The following ADD3 variants were observed in gnomAD, a reference collection of about 807,000 sequenced individuals.
ADD3 encodes gamma-adducin.
ADD3 carries 25 observed loss-of-function variants against 80.2 expected under a neutral mutation model. The observed-to-expected ratio is 0.31, with a 90% CI of 0.23 to 0.44. The LOEUF (loss-of-function observed/expected upper bound fraction) is 0.44. Among genes scored for constraint, ADD3 ranks in the 20% least tolerant of loss-of-function variants. The pLI, the probability that ADD3 is intolerant of heterozygous loss-of-function variation, is 1.00. For synonymous variants in ADD3, 284 were observed against 289.6 expected, an observed-to-expected ratio of 0.98 and a Z score of 0.20; for missense variants, 829 against 847.5, an observed-to-expected ratio of 0.98 and a Z score of 0.27.
Position 110,117,330 on chromosome 10 carries a change from T to G in ADD3, c.487-12T>G. On this transcript the variant is annotated splice_polypyrimidine_tract_variant and intron_variant, in intron 4 of 14. Coordinates refer to ENST00000356080, the MANE Select transcript of ADD3 (RefSeq NM_016824.5). The stretch of plus-strand genomic sequence containing the variant: ...CCACTTCATAGTAATTCCCTGTTGT[T>G]TTTTTTTCCAGGTAAGAATAAGTAA... The G allele has an allele frequency of 6.6e-7, 1 of 1,504,542 alleles. No homozygotes were observed. Among genetic ancestry groups the G allele is most frequent in the Non-Finnish European group, 9.2e-7 (1 of 1,086,446 alleles). The allele number at this position is 1,504,542 out of a possible 1,614,324, so 93.2% of individuals were successfully genotyped here.
chr10:110,115,241 A>G (rs1850577012), intron 3 of ADD3, among the ~76,000 whole-genome samples: 1 of 152,016 alleles, frequency 6.6e-6, no homozygotes, highest in Non-Finnish European at 1.5e-5. Context: ...ATACAAAATT[A>G]GCTGGGCCTG....
chr10:110,023,308 G>A (rs1264612205), intron 1 of ADD3, among the ~76,000 whole-genome samples: 1 of 152,152 alleles, frequency 6.6e-6, no homozygotes, highest in Non-Finnish European at 1.5e-5. Context: ...AACTATCTGT[G>A]AACAAGGAAG....
chr10:110,034,059 T>G (rs1855359169), intron 1 of ADD3, among the ~76,000 whole-genome samples: 1 of 152,336 alleles, frequency 6.6e-6, no homozygotes, highest in Non-Finnish European at 1.5e-5. Context: ...AGTATGTCAC[T>G]AGACCACAGA....
chr10:110,072,642 G>A (rs990083032), intron 1 of ADD3, among the ~76,000 whole-genome samples: 5 of 152,210 alleles, frequency 3.3e-5, no homozygotes, highest in African/African-American at 9.6e-5. Context: ...AGTCAGAAAT[G>A]CCTGCAGACA....
At chr10:110,062,638 C>G (rs1244651569) in intron 1 of ADD3, among the ~76,000 whole-genome samples, 4 of 152,030 alleles carry the variant, frequency 2.6e-5, no homozygotes, top group African/African-American at 9.7e-5. Flanking sequence ...GTGAAATGTA[C>G]CCCCAAAATT....
intron 1 of ADD3, among the ~76,000 whole-genome samples, chr10:110,085,486 T>C (rs1846610545): frequency 1.3e-5 from 2 of 152,138 alleles, no homozygotes; most frequent in South Asian, 4.1e-4. Flanking sequence ...TGAGATTCAG[T>C]AGGTGTCAAA....
chr10:110,045,863 C>G (rs1856854167), intron 1 of ADD3, among the ~76,000 whole-genome samples: 1 of 152,164 alleles, frequency 6.6e-6, no homozygotes, highest in Non-Finnish European at 1.5e-5. Context: ...ATGTAGCCAC[C>G]TCTTCTTGCT....
intron 1 of ADD3, among the ~76,000 whole-genome samples, chr10:110,040,182 AT>A (rs113790056): frequency 0.029 from 4,214 of 147,434 alleles, 174 homozygotes; most frequent in African/African-American, 0.09. Flanking sequence ...AGTTATTATT[AT>A]TTTTTTTTTT....
At chr10:110,117,705 TA>T (rs573938283) in intron 5 of ADD3, among the ~76,000 whole-genome samples, 28 of 151,250 alleles carry the variant, frequency 1.9e-4, no homozygotes, top group African/African-American at 6.8e-4. Context: ...GAAATTTGTG[TA>T]AAAAAATTGT....
chr10:110,127,490 A>G (rs911987203), intron 12 of ADD3, among the ~76,000 whole-genome samples: 10 of 152,208 alleles, frequency 6.6e-5, no homozygotes, highest in African/African-American at 2.4e-4. Flanking sequence ...GGTGGCGTGC[A>G]CCTGTAGTCC....
chr10:110,102,962 C>T lies in ADD3; in HGVS notation c.195+2114C>T, dbSNP rs114880457. 7.4e-4 allele frequency among the ~76,000 whole-genome samples: 113 copies of T among 152,258 alleles called. 1 individual carries two copies. Among genetic ancestry groups the T allele is most frequent in the African/African-American group, 2.2e-3 (93 of 41,554 alleles). On this transcript the variant is annotated intron_variant, in intron 2 of 14. Coordinates refer to ENST00000356080, the MANE Select transcript of ADD3 (RefSeq NM_016824.5). Reference sequence around the variant, plus strand: ...TAGTGAAATAATGTGAAAGGGCAAACGCATAGTGTATCATTTCCCTATTCA... The same window carrying T: ...TAGTGAAATAATGTGAAAGGGCAAATGCATAGTGTATCATTTCCCTATTCA...
chr10:110,122,651 G>C (rs1362051633), intron 9 of ADD3, among the ~76,000 whole-genome samples: 1 of 72,656 alleles, frequency 1.4e-5, no homozygotes, highest in Non-Finnish European at 2.5e-5. Flanking sequence ...TTTTTTTCTT[G>C]GAGGCAGGAT....
At chr10:110,045,531 A>G (rs1196337817) in intron 1 of ADD3, among the ~76,000 whole-genome samples, 1 of 152,236 alleles carries the variant, frequency 6.6e-6, no homozygotes, top group Non-Finnish European at 1.5e-5. Flanking sequence ...ACTTACATGC[A>G]GATAATTTTC....
intron 14 of ADD3, 140 bp downstream of exon 14, chr10:110,132,540 A>G: frequency 3.4e-6 from 2 of 588,988 alleles, no homozygotes; most frequent in South Asian, 2.2e-5. Context: ...CAATAATTAC[A>G]TATTTTATAT....
At chr10:110,115,012 G>A (rs1850533202) in intron 3 of ADD3, among the ~76,000 whole-genome samples, 1 of 151,200 alleles carries the variant, frequency 6.6e-6, no homozygotes, top group Middle Eastern at 3.4e-3. Context: ...CTAGGAGTTC[G>A]AGGCTGCAGT....
chr10:110,073,485 G>A (rs372958927), intron 1 of ADD3, among the ~76,000 whole-genome samples: 2 of 152,144 alleles, frequency 1.3e-5, no homozygotes, highest in African/African-American at 4.8e-5. Flanking sequence ...CAGTACTACC[G>A]ATAGGGTTGC....
At position 110,028,393 on chromosome 10, in the gene ADD3, A is replaced by T. The variant is rs1421059119; in HGVS notation, c.-30+20094A>T. On this transcript the variant is annotated intron_variant, in intron 1 of 14. Coordinates refer to ENST00000356080, the MANE Select transcript of ADD3 (RefSeq NM_016824.5). ...GTTCGAGACCAGCCTGGCCAACCTC[A>T]TCCCTACTAAAAATACAAAAATTAG... Among the ~76,000 whole-genome samples, 5 of 152,020 alleles carry T rather than the reference A, an allele frequency of 3.3e-5. No individual in the cohort carries two copies. The East Asian group carries it at 7.8e-4, about 24-fold the overall frequency.
intron 1 of ADD3, among the ~76,000 whole-genome samples, chr10:110,096,489 C>T (rs544311619): frequency 6.6e-6 from 1 of 152,122 alleles, no homozygotes; most frequent in African/African-American, 2.4e-5. Flanking sequence ...AAAAACAAAG[C>T]TTTGTGTGTT....
Position 110,125,902 on chromosome 10 carries a change from C to A in ADD3, c.1478C>A (p.Pro493His). Residue 493 changes from proline to histidine, a missense_variant, in exon 11 of 15, where the codon CCT becomes CAT. Coordinates refer to ENST00000356080, the MANE Select transcript of ADD3 (RefSeq NM_016824.5). Reference sequence around the variant, plus strand: ...ATTGAAGATCCAAATCAGTTTGTTCCTTTAAACACAAACCCGAATGAGGTA... The same window carrying A: ...ATTGAAGATCCAAATCAGTTTGTTCATTTAAACACAAACCCGAATGAGGTA... ...IKIEDPNQFV[P>H]LNTNPNEVLE... 1 of 1,609,494 alleles carries A rather than the reference C, an allele frequency of 6.2e-7. No homozygotes were observed. The highest frequency in any genetic ancestry group is 8.5e-7 in the Non-Finnish European group (1 of 1,176,884).
Sources: gnomAD v4.1 joint callset for allele counts (sites outside exome capture counted in the v4.1 genomes callset) on GRCh38, gnomAD v4.1.1 for gene constraint, MANE v1.5 for transcripts, NCBI Gene and HGNC (gene_info 2026-07-23, HGNC 2026-07-21) for gene names.